Variants in EPHX1 observed in about 807,000 individuals in gnomAD.
EPHX1 encodes epoxide hydrolase 1.
In EPHX1, 40 loss-of-function variants were observed where a neutral mutation model predicts 43.2. That is an observed-to-expected ratio of 0.93 (90% CI 0.72 to 1.21). EPHX1 has a LOEUF of 1.21. Ranked by LOEUF, EPHX1 falls within the 50% of genes most tolerant of loss-of-function variation. The pLI is 0.00. For synonymous variants in EPHX1, 221 were observed against 226.7 expected, an observed-to-expected ratio of 0.98 and a Z score of 0.22; for missense variants, 550 against 570.4, an observed-to-expected ratio of 0.96 and a Z score of 0.36.
intron 2 of EPHX1, among the ~76,000 whole-genome samples, chr1:225,831,564 A>G (rs1024722733): frequency 5.6e-5 from 8 of 142,804 alleles, no homozygotes; most frequent in Non-Finnish European, 1.3e-4. Context: ...AAAAAAGAAA[A>G]AAGAAAAAAG....
At chr1:225,836,137 G>C (rs543788593) in intron 3 of EPHX1, among the ~76,000 whole-genome samples, 1 of 152,180 alleles carries the variant, frequency 6.6e-6, no homozygotes, top group Non-Finnish European at 1.5e-5. Context: ...TAAAAAGTTT[G>C]AACTGTCACA....
At position 225,822,169 on chromosome 1, in the gene EPHX1, TTCA is replaced by T. The variant is rs770142574; in HGVS notation, c.-5-6552_-5-6550del. On this transcript the variant is annotated intron_variant, in intron 1 of 8. Transcript: ENST00000272167. The stretch of plus-strand genomic sequence containing the variant: ...CATTTCTTACAGTAGGAGCCAAATG[TTCA>T]TCAAGTTCCCCTCTGAGCTCAGTAT... 2.0e-5 allele frequency among the ~76,000 whole-genome samples: 3 copies of T among 152,310 alleles called. No homozygotes were observed. The South Asian group carries it at 6.2e-4, about 32-fold the overall frequency.
intron 3 of EPHX1, among the ~76,000 whole-genome samples, chr1:225,832,321 C>T (rs564164879): frequency 2.0e-5 from 3 of 152,080 alleles, no homozygotes; most frequent in Non-Finnish European, 4.4e-5. Context: ...GGGTAGATCA[C>T]GAGGTCAAGA....
At chr1:225,841,661 G>A (rs1376880292) in intron 6 of EPHX1, among the ~76,000 whole-genome samples, 2 of 145,768 alleles carry the variant, frequency 1.4e-5, no homozygotes, top group Non-Finnish European at 3.0e-5. Context: ...GAGTGCAGTG[G>A]TACGATCTCG....
At chr1:225,834,140 C>T (rs1667822466) in intron 3 of EPHX1, among the ~76,000 whole-genome samples, 1 of 141,958 alleles carries the variant, frequency 7.0e-6, no homozygotes, top group South Asian at 2.2e-4. Flanking sequence ...GGTGCGGTGG[C>T]TCACACCTGT....
chr1:225,834,133 G>A (rs1177313313), intron 3 of EPHX1, among the ~76,000 whole-genome samples: 1 of 147,322 alleles, frequency 6.8e-6, no homozygotes, highest in Non-Finnish European at 1.5e-5. Flanking sequence ...AAAGCCGGGT[G>A]CGGTGGCTCA....
chr1:225,842,596 TCTTACAAATCCTCACC>T (rs1452647357), intron 7 of EPHX1, 122 bp downstream of exon 7: 1 of 807,222 alleles, frequency 1.2e-6, no homozygotes, highest in Non-Finnish European at 2.2e-6. Flanking sequence ...TTGTTGGCTT[TCTTACAAATCCTCACC>T]CTGTGACCAA....
Position 225,828,914 on chromosome 1 carries a change from T to A in EPHX1, c.183+2T>A. ...GAAACGTCAGATGAGGAGATCCACG[T>A]AAGGCACCTTGGGCCGGGCCGGGCT... On this transcript the variant is annotated splice_donor_variant, in intron 2 of 8. Transcript: ENST00000272167. LOFTEE classifies it high-confidence loss of function. The A allele has an allele frequency of 6.4e-7, 1 of 1,565,704 alleles. No individual in the cohort carries two copies. Among genetic ancestry groups the A allele is most frequent in the Non-Finnish European group, 8.7e-7 (1 of 1,153,424 alleles).
intron 3 of EPHX1, among the ~76,000 whole-genome samples, chr1:225,834,588 C>CCA (rs936802275): frequency 9.5e-5 from 2 of 21,130 alleles, no homozygotes; most frequent in Non-Finnish European, 1.9e-4. Flanking sequence ...GCCAAGAACA[C>CCA]TAAAAAAAAA....
In EPHX1 at chr1:225,845,280, C is replaced by G; in HGVS notation, c.1301C>G (p.Ala434Gly). ...ATGGTTCGTGGGGGCCACTTTGCGG[C>G]CTTTGAGGAGCCGGAGCTGCTCGCC... is the stretch of plus-strand genomic sequence containing the variant. ...SYMVRGGHFA[A>G]FEEPELLAQD... Residue 434 changes from alanine to glycine, a missense_variant, in exon 9 of 9, where the codon GCC becomes GGC. Physicochemically the swap from Ala to Gly is moderately conservative, Grantham distance 60. Coordinates refer to ENST00000272167, the MANE Select transcript of EPHX1 (RefSeq NM_001136018.4). The G allele has an allele frequency of 6.2e-7, 1 of 1,613,446 alleles. No individual in the cohort carries two copies. Among genetic ancestry groups the G allele is most frequent in the East Asian group, 2.2e-5 (1 of 44,878 alleles).
At chr1:225,813,886 G>C (rs914872564) in intron 1 of EPHX1, among the ~76,000 whole-genome samples, 3 of 152,220 alleles carry the variant, frequency 2.0e-5, no homozygotes, top group African/African-American at 7.2e-5. Context: ...AGAGGGGAAA[G>C]TGTTCTTTTC....
chr1:225,843,794 T>G (rs1668646829), intron 7 of EPHX1, among the ~76,000 whole-genome samples: 1 of 152,234 alleles, frequency 6.6e-6, no homozygotes, highest in Non-Finnish European at 1.5e-5. Context: ...TTGGCCAACT[T>G]GCAGAAATCC....
chr1:225,815,922 G>A (rs753618450), intron 1 of EPHX1, among the ~76,000 whole-genome samples: 10 of 152,190 alleles, frequency 6.6e-5, no homozygotes, highest in African/African-American at 9.7e-5. Context: ...ATGGTGGGAA[G>A]GAACTCCGGT....
At chr1:225,834,682 C>T (rs904834213) in intron 3 of EPHX1, among the ~76,000 whole-genome samples, 1 of 150,988 alleles carries the variant, frequency 6.6e-6, no homozygotes, top group African/African-American at 2.4e-5. Context: ...AATTTGATAT[C>T]TTCTATTATG....
intron 1 of EPHX1, among the ~76,000 whole-genome samples, chr1:225,816,939 G>A (rs2102683199): frequency 6.6e-6 from 1 of 152,290 alleles, no homozygotes; most frequent in Admixed American, 6.5e-5. Flanking sequence ...CCACACAGAG[G>A]GCGATATGCC....
At position 225,845,342 on chromosome 1, in the gene EPHX1, C is replaced by T. The variant is rs773988151; in HGVS notation, c.1363C>T (p.Gln455Ter). ...IRKFLSVLER[Q>*] ...CAAGTTCCTGTCGGTGCTGGAGCGG[C>T]AATGACCCACCCCTCTCCCCCCGCC... Residue 455 changes from glutamine to a stop codon, truncating the protein, a stop_gained, in exon 9 of 9, where the codon CAA becomes TAA. Coordinates refer to ENST00000272167, the MANE Select transcript of EPHX1 (RefSeq NM_001136018.4). LOFTEE classifies it high-confidence loss of function. 1.9e-6 allele frequency: 3 copies of T among 1,608,214 alleles called. No individual in the cohort carries two copies. The highest frequency in any genetic ancestry group is 2.5e-6 in the Non-Finnish European group (3 of 1,179,276).
rs192371655 is a variant in EPHX1 at position 225,822,033 on chromosome 1, G to T, written c.-5-6692G>T. ...CTTTGAAGGGTAAAGACCATTGATT[G>T]CTCATCTAACTTCTTCACCTTGAAC... On this transcript the variant is annotated intron_variant, in intron 1 of 8. Transcript: ENST00000272167. 3.5e-3 allele frequency among the ~76,000 whole-genome samples: 535 copies of T among 152,246 alleles called. 4 individuals are homozygous for T. The highest frequency in any genetic ancestry group is 5.1e-3 in the Non-Finnish European group (350 of 68,012).
chr1:225,818,410 A>G (rs1666823269), intron 1 of EPHX1, among the ~76,000 whole-genome samples: 1 of 152,138 alleles, frequency 6.6e-6, no homozygotes, highest in Non-Finnish European at 1.5e-5. Context: ...GCTAGGACTG[A>G]GAGATCTGCC....
At chr1:225,823,200 CT>C (rs11331330) in intron 1 of EPHX1, among the ~76,000 whole-genome samples, 120,796 of 148,230 alleles carry the variant, frequency 0.81, 49,235 homozygotes, top group African/African-American at 0.88. Flanking sequence ...CCCTTTATTA[CT>C]TTTTTTTTTT....
Sources: allele counts gnomAD v4.1 joint callset (sites outside exome capture counted in the v4.1 genomes callset), GRCh38; gene constraint gnomAD v4.1.1; transcripts MANE v1.5; gene names NCBI Gene and HGNC (gene_info 2026-07-23, HGNC 2026-07-21).